The following PRKCH variants were observed in gnomAD, a reference collection of about 807,000 sequenced individuals.
The protein encoded by PRKCH is protein kinase C eta, also known as protein kinase C eta type.
A neutral mutation model predicts 82.5 loss-of-function variants in PRKCH; 28 were observed. That is an observed-to-expected ratio of 0.34 (90% CI 0.25 to 0.47). PRKCH has a LOEUF of 0.47. Among genes scored for constraint, PRKCH ranks in the 20% least tolerant of loss-of-function variants. The pLI is 1.00. For missense variants in PRKCH, 705 were observed against 881.8 expected, an observed-to-expected ratio of 0.80 and a Z score of 2.54; for synonymous variants, 322 against 327.4, an observed-to-expected ratio of 0.98 and a Z score of 0.18.
chr14:61,235,634 G>A (rs1445810410), intron 1 of PRKCH, among the ~76,000 whole-genome samples: 2 of 152,070 alleles, frequency 1.3e-5, no homozygotes, highest in Non-Finnish European at 2.9e-5. Flanking sequence ...AATACAATCA[G>A]GCAAAAGAGA....
At chr14:61,235,350 T>G (rs1450016565) in intron 1 of PRKCH, among the ~76,000 whole-genome samples, 1 of 152,232 alleles carries the variant, frequency 6.6e-6, no homozygotes, top group Non-Finnish European at 1.5e-5. Context: ...TTTTACCTTC[T>G]TCAGTCAGAG....
Position 61,280,869 on chromosome 14 carries a change from C to T in PRKCH, c.-19+93201C>T. 1 of 1,566,088 alleles carries T rather than the reference C, an allele frequency of 6.4e-7. No homozygotes were observed. On this transcript the variant is annotated intron_variant, in intron 1 of 3. Transcript: ENST00000555185. The surrounding 1 kb of genome is among the most constrained non-coding windows in gnomAD (Gnocchi z 5.0). Reference sequence around the variant, plus strand: ...CGGGCAGCGAGAAGTACCAGGCGCACGAGCAGGGGGGCGGCAGCGCCCGGC... The same window carrying T: ...CGGGCAGCGAGAAGTACCAGGCGCATGAGCAGGGGGGCGGCAGCGCCCGGC...
At chr14:61,517,655 G>C (rs890454303) in intron 10 of PRKCH, among the ~76,000 whole-genome samples, 1 of 152,206 alleles carries the variant, frequency 6.6e-6, no homozygotes, top group African/African-American at 2.4e-5. Context: ...TTCACTCTAT[G>C]AACTCGTTTG....
chr14:61,276,623 T>C (rs1473509180), intron 1 of PRKCH, among the ~76,000 whole-genome samples: 1 of 151,888 alleles, frequency 6.6e-6, no homozygotes, highest in Non-Finnish European at 1.5e-5. Context: ...CCCAAAGTGC[T>C]GGGATTACAG....
At chr14:61,320,526 G>A (rs545209564), upstream of PRKCH, among the ~76,000 whole-genome samples, 1 of 152,350 alleles carries the variant, frequency 6.6e-6, no homozygotes. Context: ...TCGAACCTGG[G>A]AGGCGGAGGT....
chr14:61,426,243 T>G (rs1376252655), intron 2 of PRKCH, among the ~76,000 whole-genome samples: 1 of 152,228 alleles, frequency 6.6e-6, no homozygotes, highest in African/African-American at 2.4e-5. Flanking sequence ...GAGGAACATT[T>G]ACATGTCGCT....
chr14:61,357,242 G>A (rs930577882), intron 1 of PRKCH, among the ~76,000 whole-genome samples: 4 of 152,214 alleles, frequency 2.6e-5, no homozygotes, highest in South Asian at 2.1e-4. Flanking sequence ...GCTATTTAAC[G>A]ATTACTCCAT....
At chr14:61,315,749 C>G (rs2045557112) in intron 1 of PRKCH, among the ~76,000 whole-genome samples, 1 of 109,228 alleles carries the variant, frequency 9.2e-6, no homozygotes, top group Admixed American at 1.4e-4. Context: ...ATGTTATTTA[C>G]TGGATTTTTT....
At chr14:61,292,696 G>A (rs1168764681) in intron 1 of PRKCH, among the ~76,000 whole-genome samples, 4 of 151,078 alleles carry the variant, frequency 2.6e-5, no homozygotes, top group Non-Finnish European at 5.9e-5. Context: ...GCTTGAACCC[G>A]GGAGGCGGAG....
At chr14:61,316,030 G>A (rs2045559745) in intron 1 of PRKCH, among the ~76,000 whole-genome samples, 2 of 152,162 alleles carry the variant, frequency 1.3e-5, no homozygotes, top group South Asian at 4.1e-4. Flanking sequence ...TTACAGGTGT[G>A]AGCCACTGCG....
chr14:61,239,534 G>A (rs1253819717), intron 1 of PRKCH, among the ~76,000 whole-genome samples: 2 of 152,148 alleles, frequency 1.3e-5, no homozygotes, highest in African/African-American at 4.8e-5. Flanking sequence ...GTGTCTTCCG[G>A]CCAGCTCTCT....
intron 6 of PRKCH, among the ~76,000 whole-genome samples, chr14:61,452,424 T>C (rs1314365447): frequency 2.6e-5 from 4 of 152,200 alleles, no homozygotes; most frequent in Non-Finnish European, 5.9e-5. Flanking sequence ...GTGTTGCTTG[T>C]CGCTTCAGTT....
intron 1 of PRKCH, among the ~76,000 whole-genome samples, chr14:61,200,384 AGTGAGTGT>A (rs2044471007): frequency 7.4e-6 from 1 of 135,666 alleles, no homozygotes; most frequent in South Asian, 2.3e-4. Context: ...TAAGTGAGTG[AGTGAGTGT>A]GTGTGTGTGT....
At chr14:61,265,650 T>G (rs2045093593) in intron 1 of PRKCH, among the ~76,000 whole-genome samples, 2 of 152,210 alleles carry the variant, frequency 1.3e-5, no homozygotes, top group Admixed American at 1.3e-4. Flanking sequence ...GCACCTTTCA[T>G]AAGCCCTACA....
intron 1 of PRKCH, among the ~76,000 whole-genome samples, chr14:61,199,701 G>A (rs1319032551): frequency 6.6e-6 from 1 of 151,950 alleles, no homozygotes. Flanking sequence ...GACACCATTC[G>A]CATTGTTGGA....
At chr14:61,389,196 C>A (rs1335320725) in intron 1 of PRKCH, among the ~76,000 whole-genome samples, 3 of 152,098 alleles carry the variant, frequency 2.0e-5, no homozygotes, top group Non-Finnish European at 2.9e-5. Flanking sequence ...GGCAACATGC[C>A]TCTCTAAGCC....
At chr14:61,423,001 A>G (rs1057359625) in intron 2 of PRKCH, among the ~76,000 whole-genome samples, 1 of 152,178 alleles carries the variant, frequency 6.6e-6, no homozygotes, top group African/African-American at 2.4e-5. Context: ...TAAATTTGCT[A>G]TGCTACAAAT....
chr14:61,321,825 A>C lies in PRKCH; in HGVS notation c.-277A>C. 3.0e-6 allele frequency: 1 copy of C among 337,032 alleles called. No individual in the cohort carries two copies. The highest frequency in any genetic ancestry group is 2.2e-5 in the African/African-American group (1 of 46,234). The allele number at this position is 337,032 out of a possible 1,614,324, so 20.9% of individuals were successfully genotyped here. On this transcript the variant is annotated 5_prime_UTR_variant, in exon 1 of 14. Coordinates refer to ENST00000332981, the MANE Select transcript of PRKCH (RefSeq NM_006255.5). The surrounding 1 kb of genome is among the most constrained non-coding windows in gnomAD (Gnocchi z 4.1). ...GGCGAGTCCTGCGCGAGTCCCCGGG[A>C]GGCGCCGCGCGCTTGGAAGGGACGG...
At chr14:61,200,384 AGTGAGT>A (rs2044470978) in intron 1 of PRKCH, among the ~76,000 whole-genome samples, 3 of 135,664 alleles carry the variant, frequency 2.2e-5, no homozygotes, top group Non-Finnish European at 3.1e-5. Flanking sequence ...TAAGTGAGTG[AGTGAGT>A]GTGTGTGTGT....
Sources: gnomAD v4.1 joint callset for allele counts (sites outside exome capture counted in the v4.1 genomes callset) on GRCh38, gnomAD v4.1.1 for gene constraint, Gnocchi (gnomAD v3.1) non-coding constraint, MANE v1.5 for transcripts, NCBI Gene and HGNC (gene_info 2026-07-23, HGNC 2026-07-21) for gene names.